SUGCT: variants seen among roughly 807,000 people sequenced by gnomAD.
The protein encoded by SUGCT is succinyl-CoA:glutarate CoA-transferase.
Under a neutral mutation model 55.0 loss-of-function variants are expected in SUGCT, and 41 were observed. The ratio of observed to expected loss-of-function variants is 0.74; its 90% CI spans 0.58 to 0.97. The LOEUF (loss-of-function observed/expected upper bound fraction) is 0.97. Ranked by LOEUF, SUGCT falls within the 50% of genes least tolerant of loss-of-function variation. The probability of loss-of-function intolerance (pLI) is 0.00; values close to 1 mark genes in which losing one functional copy is unlikely to be tolerated. For synonymous variants in SUGCT, 187 were observed against 200.4 expected (o/e 0.93, Z 0.56); for missense variants, 568 against 547.8 (o/e 1.04, Z -0.37).
At chr7:40,492,074 A>G (rs1791714912) in intron 11 of SUGCT, among the ~76,000 whole-genome samples, 1 of 152,142 alleles carries the variant, frequency 6.6e-6, no homozygotes, top group Non-Finnish European at 1.5e-5. Context: ...AGAATAGTTA[A>G]CATCATCAAA....
the SUGCT span, among the ~76,000 whole-genome samples, chr7:40,980,217 C>T: frequency 3.3e-5 from 5 of 152,148 alleles, no homozygotes; most frequent in African/African-American, 1.2e-4. Context: ...CTAATCCCAT[C>T]ATGAGAGCTC....
At position 40,198,720 on chromosome 7, in the gene SUGCT, G is replaced by A. The variant is rs147006505; in HGVS notation, c.484+3660G>A. On this transcript the variant is annotated intron_variant, in intron 6 of 13. Transcript: ENST00000335693. ...CTACTAAAAATACAAAAATTAGCTG[G>A]GTATGGTGGTGGGTGACTGTAATCC... is the stretch of plus-strand genomic sequence containing the variant. Among the ~76,000 whole-genome samples the A allele has an allele frequency of 7.8e-4, 114 of 146,596 alleles. 3 individuals are homozygous for A. The East Asian group carries it at 0.021, about 27-fold the overall frequency.
At chr7:40,456,187 G>A (rs1444794559) in intron 10 of SUGCT, among the ~76,000 whole-genome samples, 1 of 151,970 alleles carries the variant, frequency 6.6e-6, no homozygotes, top group Non-Finnish European at 1.5e-5. Context: ...CGTCATGCCT[G>A]AATAATTTTT....
rs377125195 is a variant in SUGCT at position 40,747,965 on chromosome 7, C to T, written c.1090-1469C>T. 6.6e-5 allele frequency among the ~76,000 whole-genome samples: 10 copies of T among 152,130 alleles called. No homozygotes were observed. In the East Asian group the frequency reaches 1.2e-3, roughly 18 times the overall value. On this transcript the variant is annotated intron_variant, in intron 12 of 13. Coordinates refer to ENST00000335693, the MANE Select transcript of SUGCT (RefSeq NM_001193313.2). ...GCTTACCCCCAGGGAAAATTCCAGC[C>T]TTCGTTTGCCAGGGATTTAAGTTGC...
chr7:40,195,326 A>T (rs1357573011), intron 6 of SUGCT, among the ~76,000 whole-genome samples: 1 of 147,370 alleles, frequency 6.8e-6, no homozygotes, highest in Non-Finnish European at 1.5e-5. Context: ...GGTTCAAGCG[A>T]TTCTTCTGCC....
At chr7:40,954,320 G>A in the SUGCT span, among the ~76,000 whole-genome samples, 3 of 152,218 alleles carry the variant, frequency 2.0e-5, no homozygotes, top group Non-Finnish European at 4.4e-5. Flanking sequence ...ATTAGGGTGG[G>A]AGTGACCCAA....
intron 13 of SUGCT, among the ~76,000 whole-genome samples, chr7:40,780,517 A>G (rs947424159): frequency 6.6e-6 from 1 of 152,184 alleles, no homozygotes; most frequent in Admixed American, 6.5e-5. Context: ...GAAGAGATTT[A>G]TGGAATCCAC....
intron 9 of SUGCT, among the ~76,000 whole-genome samples, chr7:40,333,601 C>T (rs1337354562): frequency 8.1e-6 from 1 of 123,384 alleles, no homozygotes; most frequent in Non-Finnish European, 1.6e-5. Flanking sequence ...CACACCACTG[C>T]ACTCCAGCCT....
the SUGCT span, among the ~76,000 whole-genome samples, chr7:40,973,594 C>T: frequency 6.6e-6 from 1 of 152,206 alleles, no homozygotes. Flanking sequence ...TGTCCTTGGA[C>T]TAAAGCCTCC....
chr7:40,496,928 A>G (rs1473221641), intron 12 of SUGCT, among the ~76,000 whole-genome samples: 1 of 152,200 alleles, frequency 6.6e-6, no homozygotes, highest in Admixed American at 6.5e-5. Context: ...ACAGATAGAT[A>G]TTTGTGCTCT....
intron 1 of SUGCT, among the ~76,000 whole-genome samples, chr7:40,160,149 G>A (rs1784076728): frequency 6.6e-6 from 1 of 152,144 alleles, no homozygotes; most frequent in Non-Finnish European, 1.5e-5. Flanking sequence ...AGGTCCTGTG[G>A]ATCCTCCTAG....
chr7:40,790,272 C>A (rs1790244997), intron 13 of SUGCT, among the ~76,000 whole-genome samples: 1 of 152,062 alleles, frequency 6.6e-6, no homozygotes, highest in Admixed American at 6.6e-5. Flanking sequence ...AGGGGCTTTC[C>A]CCCATTTTGC....
the SUGCT span, among the ~76,000 whole-genome samples, chr7:40,898,333 A>T: frequency 2.6e-5 from 4 of 152,152 alleles, no homozygotes; most frequent in Non-Finnish European, 5.9e-5. Context: ...CGTAAGACTC[A>T]CCGCGAAGGT....
intron 8 of SUGCT, among the ~76,000 whole-genome samples, chr7:40,289,841 A>G (rs1425253022): frequency 6.6e-6 from 1 of 152,146 alleles, no homozygotes; most frequent in African/African-American, 2.4e-5. Flanking sequence ...AAAAATCACA[A>G]GCATTCTTAT....
intron 12 of SUGCT, among the ~76,000 whole-genome samples, chr7:40,577,482 A>G (rs1040031888): frequency 1.3e-5 from 2 of 151,670 alleles, no homozygotes; most frequent in Non-Finnish European, 2.9e-5. Flanking sequence ...GTCATGAATG[A>G]TCTCTTGTAG....
intron 12 of SUGCT, among the ~76,000 whole-genome samples, chr7:40,696,699 C>G (rs1482221602): frequency 6.6e-6 from 1 of 152,166 alleles, no homozygotes; most frequent in Non-Finnish European, 1.5e-5. Context: ...TTGACATCAA[C>G]TCTTTCATGC....
At chr7:40,233,546 A>G (rs552490185) in intron 6 of SUGCT, among the ~76,000 whole-genome samples, 1 of 152,258 alleles carries the variant, frequency 6.6e-6, no homozygotes, top group African/African-American at 2.4e-5. Context: ...GCTATTATGA[A>G]CAAGTGCAAG....
intron 8 of SUGCT, among the ~76,000 whole-genome samples, chr7:40,312,229 C>T (rs946789985): frequency 9.9e-5 from 15 of 152,076 alleles, no homozygotes; most frequent in African/African-American, 3.1e-4. Context: ...TTAGTAGAGA[C>T]GGAGTTTCTC....
the SUGCT span, among the ~76,000 whole-genome samples, chr7:41,037,487 A>C: frequency 6.6e-6 from 1 of 151,288 alleles, no homozygotes; most frequent in Non-Finnish European, 1.5e-5. Flanking sequence ...AAGACAGTAA[A>C]GTCCATGTGC....
Sources: gnomAD v4.1 joint callset for allele counts (sites outside exome capture counted in the v4.1 genomes callset) on GRCh38, gnomAD v4.1.1 for gene constraint, MANE v1.5 for transcripts, NCBI Gene and HGNC (gene_info 2026-07-23, HGNC 2026-07-21) for gene names.